Variants in DEPDC4 observed in about 807,000 individuals in gnomAD.
DEPDC4 encodes the protein DEP domain containing 4.
In DEPDC4, 52 loss-of-function variants were observed where a neutral mutation model predicts 52.0. The observed-to-expected ratio is 1.00, with a 90% CI of 0.80 to 1.26. The LOEUF (loss-of-function observed/expected upper bound fraction) is 1.26. Ranked by LOEUF, DEPDC4 falls within the 50% of genes most tolerant of loss-of-function variation. DEPDC4 has a pLI of 0.00. For synonymous variants in DEPDC4, 201 were observed against 196.8 expected (o/e 1.02, Z -0.18); for missense variants, 530 against 546.9 (o/e 0.97, Z 0.31).
intron 9 of DEPDC4, among the ~76,000 whole-genome samples, chr12:100,235,012 A>C (rs915890675): frequency 5.9e-5 from 9 of 152,060 alleles, no homozygotes; most frequent in African/African-American, 2.2e-4. Context: ...ATTGTTTACA[A>C]ACGTTTCACT....
the DEPDC4 span, among the ~76,000 whole-genome samples, chr12:100,278,770 C>T: frequency 6.6e-6 from 1 of 151,814 alleles, no homozygotes; most frequent in Non-Finnish European, 1.5e-5. Context: ...GCTGGGACTA[C>T]AGGCGCGTAC....
intron 8 of DEPDC4, among the ~76,000 whole-genome samples, chr12:100,246,897 A>G (rs1446326407): frequency 1.3e-5 from 2 of 152,006 alleles, no homozygotes; most frequent in East Asian, 3.9e-4. Context: ...GAGATGCGCC[A>G]TTGCACTCCA....
At position 100,252,164 on chromosome 12, in the gene DEPDC4, T is replaced by A. The variant is rs12582697; in HGVS notation, c.1374+12A>T. ...TAGTAATAAATGTGCCCAGGCAAAA[T>A]GCCAGAGATACCTTGAAGAGCTCAG... On this transcript the variant is annotated intron_variant, in intron 7 of 9. Transcript: ENST00000550587. The A allele has an allele frequency of 9.0e-4, 1,057 of 1,168,772 alleles. 20 individuals are homozygous for A. In the East Asian group the frequency reaches 0.04, roughly 44 times the overall value. 72.4% of individuals were successfully genotyped at this position (1,168,772 alleles called of 1,614,324 possible).
chr12:100,262,007 G>A (rs1334233572), intron 3 of DEPDC4, among the ~76,000 whole-genome samples: 1 of 152,164 alleles, frequency 6.6e-6, no homozygotes, highest in African/African-American at 2.4e-5. Flanking sequence ...ACAACACCAA[G>A]GCTGAGCCTT....
At chr12:100,244,087 C>CTGTA (rs1232632811) in intron 8 of DEPDC4, among the ~76,000 whole-genome samples, 46 of 29,412 alleles carry the variant, frequency 1.6e-3, no homozygotes, top group Non-Finnish European at 2.1e-3. Context: ...CTCTCTCTCT[C>CTGTA]TCTCTGTGTA....
At chr12:100,253,092 AT>A (rs1383872889) in intron 5 of DEPDC4, among the ~76,000 whole-genome samples, 1 of 152,004 alleles carries the variant, frequency 6.6e-6, no homozygotes, top group Non-Finnish European at 1.5e-5. Flanking sequence ...AATTTTTGGT[AT>A]TTTTAGTAGA....
At chr12:100,279,104 A>G in the DEPDC4 span, among the ~76,000 whole-genome samples, 1 of 152,208 alleles carries the variant, frequency 6.6e-6, no homozygotes, top group South Asian at 2.1e-4. Flanking sequence ...GTATAGCAGC[A>G]GTCCCCAACC....
the DEPDC4 span, among the ~76,000 whole-genome samples, chr12:100,279,865 T>C: frequency 6.6e-6 from 1 of 152,230 alleles, no homozygotes; most frequent in Non-Finnish European, 1.5e-5. Context: ...TGCATAAGCA[T>C]GTGTGGGACC....
downstream of DEPDC4, among the ~76,000 whole-genome samples, chr12:100,235,608 T>C (rs1404009369): frequency 6.6e-6 from 1 of 151,164 alleles, no homozygotes; most frequent in African/African-American, 2.4e-5. Context: ...GGAGTCTTGC[T>C]CTGTCACCCA....
At chr12:100,236,942 C>T (rs1291076947), downstream of DEPDC4, among the ~76,000 whole-genome samples, 1 of 152,100 alleles carries the variant, frequency 6.6e-6, no homozygotes, top group Non-Finnish European at 1.5e-5. Flanking sequence ...AAGAGGGTGT[C>T]CTTTCCCCAC....
At chr12:100,267,217 C>T (rs981016892), upstream of DEPDC4, 2 of 832,296 alleles carry the variant, frequency 2.4e-6, no homozygotes, top group African/African-American at 1.7e-5. Context: ...CCCGGTCCCT[C>T]CCCTCCCCAC....
intron 3 of DEPDC4, among the ~76,000 whole-genome samples, chr12:100,259,081 A>AAAAAATATAT (rs543577636): frequency 9.4e-4 from 140 of 149,170 alleles, no homozygotes; most frequent in African/African-American, 3.3e-3. Context: ...AAAAAAAAAA[A>AAAAAATATAT]ATATATATAT....
chr12:100,280,929 C>T, the DEPDC4 span, among the ~76,000 whole-genome samples: 3 of 150,990 alleles, frequency 2.0e-5, no homozygotes, highest in South Asian at 2.1e-4. Flanking sequence ...ATTAATGACA[C>T]TAGTCATTAA....
chr12:100,277,077 G>C, the DEPDC4 span, among the ~76,000 whole-genome samples: 1 of 151,932 alleles, frequency 6.6e-6, no homozygotes, highest in African/African-American at 2.4e-5. Context: ...TTGATTTCTA[G>C]TTTAATTTTA....
intron 3 of DEPDC4, among the ~76,000 whole-genome samples, chr12:100,259,217 C>T (rs2096245445): frequency 6.6e-6 from 1 of 152,030 alleles, no homozygotes; most frequent in Non-Finnish European, 1.5e-5. Context: ...AAGGTAATCC[C>T]CATGATCATG....
At chr12:100,274,442 T>C in the DEPDC4 span, among the ~76,000 whole-genome samples, 112 of 152,344 alleles carry the variant, frequency 7.4e-4, no homozygotes, top group Admixed American at 2.0e-3. Context: ...TATATCTCTG[T>C]GACAACCATC....
rs57450214 is a variant in DEPDC4 at position 100,263,713 on chromosome 12, T to C, written c.338A>G (p.Asn113Ser). Reference sequence around the variant, plus strand: ...AACCCCTTTAAGACAAGAGATGTCATTGCTACTTAGGCACGTGTTTTGCAT... The same window carrying C: ...AACCCCTTTAAGACAAGAGATGTCACTGCTACTTAGGCACGTGTTTTGCAT... Reference protein sequence around the residue: ...HLMQNTCLSSNDISCLKGVHL... With the variant: ...HLMQNTCLSSSDISCLKGVHL... The change falls in exon 2 of 10, where the codon AAT becomes AGT. Residue 113 changes from asparagine to serine, a missense_variant. Coordinates refer to ENST00000550587, the MANE Select transcript of DEPDC4 (RefSeq NM_001364818.2). 2,480 of 1,614,162 alleles carry C rather than the reference T, an allele frequency of 1.5e-3. 42 individuals are homozygous for C. The African/African-American group carries it at 0.03, about 20-fold the overall frequency.
upstream of DEPDC4, among the ~76,000 whole-genome samples, chr12:100,269,838 C>T (rs182335350): frequency 2.0e-4 from 31 of 152,214 alleles, no homozygotes; most frequent in Non-Finnish European, 3.8e-4. Flanking sequence ...GGTTCCGATT[C>T]CAAAGGTTTG....
intron 1 of DEPDC4, among the ~76,000 whole-genome samples, chr12:100,265,595 T>C (rs982524825): frequency 2.0e-5 from 3 of 152,154 alleles, no homozygotes; most frequent in Non-Finnish European, 4.4e-5. Context: ...AACAGTCTAT[T>C]ACCTGAAAAA....
Sources: gnomAD v4.1 joint callset for allele counts (sites outside exome capture counted in the v4.1 genomes callset) on GRCh38, gnomAD v4.1.1 for gene constraint, MANE v1.5 for transcripts, NCBI Gene and HGNC (gene_info 2026-07-23, HGNC 2026-07-21) for gene names.